Variants in TSHZ2 observed in about 807,000 individuals in gnomAD.
TSHZ2 encodes the protein teashirt homolog 2.
Under a neutral mutation model 74.4 loss-of-function variants are expected in TSHZ2, and 21 were observed. The observed-to-expected ratio is 0.28, with a 90% confidence interval of 0.20 to 0.41. The LOEUF (loss-of-function observed/expected upper bound fraction) is 0.41, where lower values mean the gene tolerates loss of function less well. TSHZ2 is among the 10% of genes least tolerant of loss of function. TSHZ2 has a pLI of 1.00. For missense variants in TSHZ2, 1,244 were observed against 1,293.5 expected, an observed-to-expected ratio of 0.96 and a Z score of 0.59; for synonymous variants, 540 against 515.3, an observed-to-expected ratio of 1.05 and a Z score of -0.65.
chr20:53,416,492 G>A (rs948766547), intron 2 of TSHZ2, among the ~76,000 whole-genome samples: 2 of 152,112 alleles, frequency 1.3e-5, no homozygotes, highest in Non-Finnish European at 2.9e-5. Context: ...CAGGAAAAAG[G>A]GTATCAGCAT....
chr20:53,095,677 T>A (rs1986017642), intron 1 of TSHZ2, among the ~76,000 whole-genome samples: 1 of 152,192 alleles, frequency 6.6e-6, no homozygotes, highest in Non-Finnish European at 1.5e-5. Flanking sequence ...CAGATAATTC[T>A]TCGTTATGGG....
chr20:53,402,343 T>C (rs1423532476), intron 2 of TSHZ2, among the ~76,000 whole-genome samples: 2 of 152,194 alleles, frequency 1.3e-5, no homozygotes, highest in Non-Finnish European at 2.9e-5. Context: ...TGTTTAGATG[T>C]ATCTAGATAC....
In TSHZ2 at chr20:53,256,101, G is replaced by A. The variant is rs1225278937; in HGVS notation, c.2643G>A (p.Glu881=). The change falls in exon 2 of 3, where the codon GAG becomes GAA. Residue 881 remains glutamate, a synonymous_variant. Coordinates refer to ENST00000371497, the MANE Select transcript of TSHZ2 (RefSeq NM_173485.6). The surrounding 1 kb of genome is among the most constrained non-coding windows in gnomAD (Gnocchi z 4.3). ...TGCTGTCTGATCTGGGCCCACAAGA[G>A]CGTATGCAAATCTCTAAGTTTACGG... The part of the protein sequence containing the change: ...KYLLSDLGPQ[E]RMQISKFTGL... 4 of 1,614,154 alleles carry A rather than the reference G, an allele frequency of 2.5e-6. No homozygotes were observed. The highest frequency in any genetic ancestry group is 2.2e-5 in the South Asian group (2 of 91,072).
At chr20:53,160,744 C>CAAAAAAAA (rs1762991150) in intron 1 of TSHZ2, among the ~76,000 whole-genome samples, 1 of 69,096 alleles carries the variant, frequency 1.4e-5, no homozygotes, top group African/African-American at 9.5e-5. Context: ...GACTCTGTCT[C>CAAAAAAAA]CAAAAAAAAA....
chr20:53,026,550 A>G (rs938821264), intron 1 of TSHZ2, among the ~76,000 whole-genome samples: 2 of 151,984 alleles, frequency 1.3e-5, no homozygotes, highest in Non-Finnish European at 2.9e-5. Context: ...ATTTTTTTCT[A>G]AGACAAGCCA....
intron 1 of TSHZ2, among the ~76,000 whole-genome samples, chr20:52,994,232 C>G (rs141956091): frequency 6.6e-6 from 1 of 152,072 alleles, no homozygotes; most frequent in Non-Finnish European, 1.5e-5. Flanking sequence ...ATGGAGTGCC[C>G]AGAATAACGT....
chr20:53,044,040 A>G (rs1984139284), intron 1 of TSHZ2, among the ~76,000 whole-genome samples: 1 of 152,238 alleles, frequency 6.6e-6, no homozygotes, highest in African/African-American at 2.4e-5. Flanking sequence ...TCCTCCGAAC[A>G]GAAATACTTC....
At chr20:52,986,924 G>T (rs1026028330) in intron 1 of TSHZ2, among the ~76,000 whole-genome samples, 3 of 151,216 alleles carry the variant, frequency 2.0e-5, no homozygotes, top group Non-Finnish European at 3.0e-5. Flanking sequence ...TGTGTGTTTT[G>T]TGTGTGTGTG....
rs568304502 is a variant in TSHZ2 at position 53,473,669 on chromosome 20, C to T, written c.*9-13475C>T. ...AAAGCTGGATGGAGAATGACTTTGA[C>T]GAGCTGAGAGAAAAAGGCTTCAGAC... On this transcript the variant is annotated intron_variant, in intron 2 of 2. Transcript: ENST00000371497. 1.1e-3 allele frequency among the ~76,000 whole-genome samples: 169 copies of T among 150,968 alleles called. 1 individual carries two copies. Among genetic ancestry groups the T allele is most frequent in the South Asian group, 4.4e-3 (21 of 4,736 alleles).
At chr20:53,296,179 A>T (rs1430059773) in intron 2 of TSHZ2, among the ~76,000 whole-genome samples, 1 of 151,870 alleles carries the variant, frequency 6.6e-6, no homozygotes, top group Non-Finnish European at 1.5e-5. Flanking sequence ...AATTTTTCAG[A>T]TCTAGGTCTG....
Position 52,973,214 on chromosome 20 carries a change from A to G in TSHZ2, c.-80A>G, listed in dbSNP as rs1981193532. 7.8e-6 allele frequency: 12 copies of G among 1,537,530 alleles called. No homozygotes were observed. In the South Asian group the frequency reaches 9.6e-5, roughly 12 times the overall value. On this transcript the variant is annotated 5_prime_UTR_variant, in exon 1 of 3. Coordinates refer to ENST00000371497, the MANE Select transcript of TSHZ2 (RefSeq NM_173485.6). Reference sequence around the variant, plus strand: ...ACCGGGCAAGAGGCGGAGGAGACCCAGAGAGGCCAGAGAGACAGCGGGCCC... The same window carrying G: ...ACCGGGCAAGAGGCGGAGGAGACCCGGAGAGGCCAGAGAGACAGCGGGCCC...
chr20:53,441,925 G>A (rs867745479), intron 2 of TSHZ2, among the ~76,000 whole-genome samples: 6 of 151,968 alleles, frequency 3.9e-5, no homozygotes, highest in African/African-American at 2.4e-5. Context: ...CTCTCCACTC[G>A]AGGGCTGTGC....
At chr20:53,253,154 T>A (rs1990366509) in intron 1 of TSHZ2, among the ~76,000 whole-genome samples, 1 of 152,118 alleles carries the variant, frequency 6.6e-6, no homozygotes, top group East Asian at 1.9e-4. Flanking sequence ...TAATGGGATA[T>A]GAATTTCAAT....
At chr20:53,032,744 AT>A (rs145684258) in intron 1 of TSHZ2, among the ~76,000 whole-genome samples, 15,294 of 145,460 alleles carry the variant, frequency 0.11, 977 homozygotes, top group South Asian at 0.2. Flanking sequence ...CCATGTCCTG[AT>A]TTTTTTTTTT....
chr20:53,252,910 C>T (rs1990362606), intron 1 of TSHZ2, among the ~76,000 whole-genome samples: 1 of 152,188 alleles, frequency 6.6e-6, no homozygotes, highest in African/African-American at 2.4e-5. Context: ...CCCATCATCT[C>T]TCTTCCTGCT....
intron 1 of TSHZ2, among the ~76,000 whole-genome samples, chr20:53,165,213 T>G (rs1033311684): frequency 2.0e-5 from 3 of 152,084 alleles, no homozygotes; most frequent in African/African-American, 7.2e-5. Flanking sequence ...GGACGCAAGG[T>G]TTTACCTGCA....
chr20:53,039,934 T>G (rs1360026564), intron 1 of TSHZ2, among the ~76,000 whole-genome samples: 1 of 151,998 alleles, frequency 6.6e-6, no homozygotes, highest in East Asian at 1.9e-4. Flanking sequence ...AGTGAAACCC[T>G]GTCTCTACTA....
chr20:53,441,614 G>T (rs753797234), intron 2 of TSHZ2, among the ~76,000 whole-genome samples: 1 of 147,198 alleles, frequency 6.8e-6, no homozygotes, highest in African/African-American at 2.5e-5. Context: ...ATGGAGTCTC[G>T]CTCTGTCACC....
intron 1 of TSHZ2, among the ~76,000 whole-genome samples, chr20:52,981,313 G>C (rs1981561095): frequency 6.6e-6 from 1 of 152,206 alleles, no homozygotes; most frequent in African/African-American, 2.4e-5. Flanking sequence ...ACTGATTGAA[G>C]TTCAAGTCTC....
Sources: gnomAD v4.1 joint callset for allele counts (sites outside exome capture counted in the v4.1 genomes callset) on GRCh38, gnomAD v4.1.1 for gene constraint, Gnocchi (gnomAD v3.1) non-coding constraint, MANE v1.5 for transcripts, NCBI Gene and HGNC (gene_info 2026-07-23, HGNC 2026-07-21) for gene names.